PATE3: variants seen among roughly 807,000 people sequenced by gnomAD.
PATE3 encodes the protein prostate and testis expressed protein 3.
Under a neutral mutation model 7.4 loss-of-function variants are expected in PATE3, and 7 were observed. The observed-to-expected ratio is 0.95, with a 90% CI of 0.54 to 1.78. PATE3 has a LOEUF of 1.78. Ranked by LOEUF, PATE3 falls within the 40% of genes most tolerant of loss-of-function variation. The probability of loss-of-function intolerance (pLI) is 0.00; values close to 1 mark genes in which losing one functional copy is unlikely to be tolerated. For synonymous variants in PATE3, 38 were observed against 40.2 expected, an observed-to-expected ratio of 0.94 and a Z score of 0.21; for missense variants, 117 against 122.5, an observed-to-expected ratio of 0.96 and a Z score of 0.21.
chr11:125,789,480 G>C lies in PATE3; in HGVS notation c.144G>C (p.Glu48Asp), dbSNP rs756887674. 67 of 1,551,604 alleles carry C rather than the reference G, an allele frequency of 4.3e-5. No individual in the cohort carries two copies. In the African/African-American group the frequency reaches 7.9e-4, roughly 18 times the overall value. ...GTGTCTGTACTGCTCAGAAGGGCGA[G>C]GCATGCATGCTCTTAAGGATTTACC... ...GFGVCTAQKG[E>D]ACMLLRIYQR... is the part of the protein sequence containing the mutation. The change falls in exon 2 of 3, where the codon GAG (glutamate) becomes GAC (aspartate). Residue 48 changes from glutamate to aspartate, a missense_variant. Transcript: ENST00000445202.
rs535095577 is a variant in PATE3 at position 125,790,460 on chromosome 11, G to C, written c.173-18G>C. ...CTTAAATCAAATGCTTATTTTCTGT[G>C]GTTCTTTCCTATTTTAGGCAATACT... On this transcript the variant is annotated intron_variant, in intron 2 of 2. Coordinates refer to ENST00000445202, the MANE Select transcript of PATE3 (RefSeq NM_001129883.4). 6.5e-7 allele frequency: 1 copy of C among 1,544,618 alleles called. No individual in the cohort carries two copies. Among genetic ancestry groups the C allele is most frequent in the African/African-American group, 1.4e-5 (1 of 72,784 alleles).
At chr11:125,788,819 C>T (rs983759761) in intron 1 of PATE3, among the ~76,000 whole-genome samples, 1 of 152,096 alleles carries the variant, frequency 6.6e-6, no homozygotes, top group Non-Finnish European at 1.5e-5. Context: ...ATGGGATGCT[C>T]AATCATTGCT....
chr11:125,790,346 G>A, intron 2 of PATE3, 132 bp from the exon 3 acceptor site: 1 of 858,044 alleles, frequency 1.2e-6, no homozygotes. Flanking sequence ...GTGCTTTTAG[G>A]GAGTATAAGC....
intron 1 of PATE3, 26 bp from the exon 2 acceptor site, chr11:125,789,360 T>C: frequency 6.5e-7 from 1 of 1,543,316 alleles, no homozygotes; most frequent in Non-Finnish European, 8.8e-7. Context: ...TTGCCTAGTC[T>C]CACACCATCT....
chr11:125,789,276 A>T (rs1015835684), intron 1 of PATE3, 110 bp from the exon 2 acceptor site: 1 of 1,159,314 alleles, frequency 8.6e-7, no homozygotes, highest in Non-Finnish European at 1.2e-6. Context: ...GTAGCTCTTC[A>T]TCTGCCTGCC....
intron 2 of PATE3, 79 bp from the exon 3 acceptor site, chr11:125,790,399 A>G (rs912456047): frequency 3.6e-5 from 50 of 1,391,030 alleles, no homozygotes; most frequent in African/African-American, 1.5e-5. Context: ...ATTTTCACCA[A>G]CAGAACTAGT....
intron 1 of PATE3, among the ~76,000 whole-genome samples, chr11:125,788,793 A>G (rs1943586454): frequency 6.6e-6 from 1 of 152,176 alleles, no homozygotes; most frequent in African/African-American, 2.4e-5. Context: ...ATGCAACTTG[A>G]GAGAACATGG....
At chr11:125,789,630 C>A in intron 2 of PATE3, 122 bp downstream of exon 2, 1 of 1,132,928 alleles carries the variant, frequency 8.8e-7, no homozygotes, top group Non-Finnish European at 1.2e-6. Flanking sequence ...GGTGGTAGCA[C>A]AGGTCCCTGT....
intron 2 of PATE3, 73 bp downstream of exon 2, chr11:125,789,581 T>C (rs761839287): frequency 4.8e-4 from 705 of 1,481,858 alleles, no homozygotes; most frequent in Non-Finnish European, 6.2e-4. Flanking sequence ...CAATTTCACA[T>C]CTCAAGAGAA....
intron 1 of PATE3, among the ~76,000 whole-genome samples, chr11:125,788,401 G>T (rs1943582325): frequency 6.6e-6 from 1 of 152,028 alleles, no homozygotes; most frequent in South Asian, 2.1e-4. Context: ...CCTCCAGATG[G>T]GCAGGCCTCT....
chr11:125,789,577 C>A, intron 2 of PATE3, 69 bp downstream of exon 2: 1 of 1,491,366 alleles, frequency 6.7e-7, no homozygotes, highest in South Asian at 1.3e-5. Context: ...TCAGCAATTT[C>A]ACATCTCAAG....
intron 1 of PATE3, among the ~76,000 whole-genome samples, chr11:125,788,665 G>C (rs1289515047): frequency 2.0e-5 from 3 of 152,172 alleles, no homozygotes; most frequent in Admixed American, 1.3e-4. Flanking sequence ...TCTGGAATCA[G>C]ACAGATTTTT....
chr11:125,789,838 A>G (rs995897822), intron 2 of PATE3, among the ~76,000 whole-genome samples: 2 of 152,250 alleles, frequency 1.3e-5, no homozygotes, highest in African/African-American at 4.8e-5. Context: ...GATATTCATC[A>G]CCTCAAACAT....
At chr11:125,790,402 G>A (rs934340740) in intron 2 of PATE3, 76 bp from the exon 3 acceptor site, 2 of 1,409,430 alleles carry the variant, frequency 1.4e-6, no homozygotes, top group East Asian at 2.6e-5. Flanking sequence ...TTCACCAACA[G>A]AACTAGTGCT....
intron 1 of PATE3, among the ~76,000 whole-genome samples, chr11:125,788,780 C>T (rs532658951): frequency 7.2e-5 from 11 of 152,204 alleles, no homozygotes; most frequent in Middle Eastern, 3.4e-3. Context: ...AGGATTAAAT[C>T]GGATGCAACT....
intron 1 of PATE3, among the ~76,000 whole-genome samples, chr11:125,788,878 C>G (rs181471926): frequency 1.3e-5 from 2 of 152,100 alleles, no homozygotes; most frequent in South Asian, 2.1e-4. Context: ...TTAAATTAAA[C>G]CTGTATTTTG....
intron 2 of PATE3, among the ~76,000 whole-genome samples, chr11:125,790,102 A>T (rs1295675846): frequency 6.6e-6 from 1 of 152,178 alleles, no homozygotes; most frequent in East Asian, 1.9e-4. Flanking sequence ...AATGTCATGG[A>T]GGTAGAGACT....
rs1350425545 is a variant in PATE3, at chr11:125,791,509, T to C, written c.*907T>C. ...AACATAGTCAAGATACCATCTACCC[T>C]GTACAGCTTTCTTGAGACTTGGGGG... On this transcript the variant is annotated 3_prime_UTR_variant, in exon 3 of 3. Coordinates refer to ENST00000445202, the MANE Select transcript of PATE3 (RefSeq NM_001129883.4). 1 of 152,250 alleles carries C rather than the reference T, an allele frequency of 6.6e-6. No homozygotes were observed. Among genetic ancestry groups the C allele is most frequent in the Non-Finnish European group, 1.5e-5 (1 of 68,058 alleles). 9.4% of individuals were successfully genotyped at this position (152,250 alleles called of 1,614,324 possible).
In PATE3 at chr11:125,789,306, CA is replaced by C. The variant is rs1943590339; in HGVS notation, c.50-79del. On this transcript the variant is annotated intron_variant, in intron 1 of 2. Transcript: ENST00000445202. ...CCTGCCCCCTCCACTATTCATTCCC[CA>C]CCTCCATCTGAATATTTCTAACTCC... is the stretch of plus-strand genomic sequence containing the variant. The C allele has an allele frequency of 2.1e-6, 3 of 1,402,280 alleles. No homozygotes were observed. In the African/African-American group the frequency reaches 4.3e-5, roughly 20 times the overall value. The allele number at this position is 1,402,280 out of a possible 1,614,324, so 86.9% of individuals were successfully genotyped here.
Sources: gnomAD v4.1 joint callset for allele counts (sites outside exome capture counted in the v4.1 genomes callset) on GRCh38, gnomAD v4.1.1 for gene constraint, MANE v1.5 for transcripts, NCBI Gene and HGNC (gene_info 2026-07-23, HGNC 2026-07-21) for gene names.